Variants in FNBP1L observed in about 807,000 individuals in gnomAD.
FNBP1L encodes formin binding protein 1 like.
FNBP1L carries 36 observed loss-of-function variants against 91.2 expected under a neutral mutation model. That is an observed-to-expected ratio of 0.39 (90% CI 0.30 to 0.52). The LOEUF (loss-of-function observed/expected upper bound fraction) is 0.52, where lower values mean the gene tolerates loss of function less well. FNBP1L is among the 20% of genes least tolerant of loss of function. FNBP1L has a pLI of 0.66. For synonymous variants in FNBP1L, 242 were observed against 237.0 expected, an observed-to-expected ratio of 1.02 and a Z score of -0.19; for missense variants, 571 against 732.1, an observed-to-expected ratio of 0.78 and a Z score of 2.54.
At chr1:93,479,140 G>T (rs1669602630) in intron 1 of FNBP1L, among the ~76,000 whole-genome samples, 1 of 152,140 alleles carries the variant, frequency 6.6e-6, no homozygotes, top group Admixed American at 6.5e-5. Context: ...GGGCCGCTGG[G>T]GGTGACATCA....
intron 1 of FNBP1L, among the ~76,000 whole-genome samples, chr1:93,472,811 C>CA (rs57548632): frequency 2.1e-5 from 1 of 46,860 alleles, no homozygotes; most frequent in African/African-American, 9.2e-5. Flanking sequence ...GACTCCATCT[C>CA]AAAAAAAAAA....
chr1:93,495,965 G>A (rs1457083837), intron 1 of FNBP1L, among the ~76,000 whole-genome samples: 1 of 152,152 alleles, frequency 6.6e-6, no homozygotes, highest in African/African-American at 2.4e-5. Context: ...ATATATACAT[G>A]TATAGAGAAA....
In FNBP1L at chr1:93,472,312, G is replaced by A. The variant is rs554451937; in HGVS notation, c.24+24007G>A. Among the ~76,000 whole-genome samples the A allele has an allele frequency of 2.1e-3, 313 of 152,088 alleles. 1 individual carries two copies. The South Asian group carries it at 0.021, about 10-fold the overall frequency. On this transcript the variant is annotated intron_variant, in intron 1 of 16. Transcript: ENST00000271234. The stretch of plus-strand genomic sequence containing the variant: ...TACTACTACTAATCTAATGATTTTT[G>A]AATACTTAAGCAGTGCATTTCACAT...
intron 1 of FNBP1L, among the ~76,000 whole-genome samples, chr1:93,491,654 G>T (rs1243415084): frequency 6.6e-6 from 1 of 152,168 alleles, no homozygotes; most frequent in African/African-American, 2.4e-5. Flanking sequence ...AAAAAGAAGA[G>T]AATTTGTTTC....
chr1:93,478,714 GA>G (rs781661508), intron 1 of FNBP1L, among the ~76,000 whole-genome samples: 5 of 152,156 alleles, frequency 3.3e-5, no homozygotes, highest in Non-Finnish European at 7.3e-5. Flanking sequence ...ATATATTAAG[GA>G]TAAAGGGAGC....
intron 3 of FNBP1L, among the ~76,000 whole-genome samples, chr1:93,522,961 G>A (rs1336124619): frequency 1.3e-5 from 2 of 152,098 alleles, no homozygotes; most frequent in Non-Finnish European, 2.9e-5. Flanking sequence ...CCATCGAGAT[G>A]CATTTGGCAA....
chr1:93,452,561 G>A lies in FNBP1L; in HGVS notation c.24+4256G>A, dbSNP rs1214657196. ...GATTTATCTGTAACAAAGGAATTGGGTCTCATAGTCTACTGGTTAGACCAT... is the reference window on the plus strand; with the variant it reads ...GATTTATCTGTAACAAAGGAATTGGATCTCATAGTCTACTGGTTAGACCAT... On this transcript the variant is annotated intron_variant, in intron 1 of 16. Coordinates refer to ENST00000271234, the MANE Select transcript of FNBP1L (RefSeq NM_001164473.3). 2.6e-5 allele frequency among the ~76,000 whole-genome samples: 4 copies of A among 152,122 alleles called. No homozygotes were observed. In the East Asian group the frequency reaches 7.7e-4, roughly 29 times the overall value.
intron 1 of FNBP1L, among the ~76,000 whole-genome samples, chr1:93,492,322 T>C (rs1670120195): frequency 1.3e-5 from 2 of 151,992 alleles, no homozygotes; most frequent in African/African-American, 4.8e-5. Flanking sequence ...ACCATATTAG[T>C]AGGGTAGGTA....
At chr1:93,494,391 G>A (rs754567515) in intron 1 of FNBP1L, among the ~76,000 whole-genome samples, 1 of 152,100 alleles carries the variant, frequency 6.6e-6, no homozygotes, top group East Asian at 1.9e-4. Context: ...TTTTTATGGG[G>A]GCTCCATTAC....
intron 1 of FNBP1L, among the ~76,000 whole-genome samples, chr1:93,467,707 T>C (rs1439575649): frequency 6.6e-6 from 1 of 152,056 alleles, no homozygotes; most frequent in Non-Finnish European, 1.5e-5. Flanking sequence ...GCCCGGAGTT[T>C]GAGGCTGTAG....
chr1:93,482,690 C>G (rs1161274788), intron 1 of FNBP1L, among the ~76,000 whole-genome samples: 2 of 151,722 alleles, frequency 1.3e-5, no homozygotes, highest in Non-Finnish European at 2.9e-5. Context: ...CCCAGGAGTT[C>G]AAGACTAGCC....
intron 2 of FNBP1L, among the ~76,000 whole-genome samples, chr1:93,511,203 G>A (rs980665365): frequency 1.3e-4 from 20 of 152,236 alleles, no homozygotes; most frequent in Non-Finnish European, 2.2e-4. Flanking sequence ...GGCAGCCAGA[G>A]AGAAAGGTCG....
chr1:93,471,712 A>G (rs1350021320), intron 1 of FNBP1L, among the ~76,000 whole-genome samples: 1 of 152,208 alleles, frequency 6.6e-6, no homozygotes, highest in Non-Finnish European at 1.5e-5. Flanking sequence ...AAGCAAAACC[A>G]AAAACCTAAT....
At chr1:93,512,386 AC>A (rs918425175) in intron 2 of FNBP1L, among the ~76,000 whole-genome samples, 3 of 151,582 alleles carry the variant, frequency 2.0e-5, no homozygotes, top group Non-Finnish European at 3.0e-5. Context: ...CAACAAGGAT[AC>A]CCAGGAATTG....
chr1:93,458,758 A>G (rs1441058195), intron 1 of FNBP1L, among the ~76,000 whole-genome samples: 1 of 152,248 alleles, frequency 6.6e-6, no homozygotes, highest in Non-Finnish European at 1.5e-5. Context: ...TGGTCTGAAA[A>G]TATTAAATGG....
At chr1:93,449,722 G>A (rs74477733) in intron 1 of FNBP1L, among the ~76,000 whole-genome samples, 602 of 152,200 alleles carry the variant, frequency 4.0e-3, no homozygotes, top group Non-Finnish European at 6.6e-3. Context: ...AGCATTAATT[G>A]TTCTTATATT....
chr1:93,536,343 A>G lies in FNBP1L; in HGVS notation c.1002A>G (p.Pro334=), dbSNP rs761838495. 32 of 1,516,584 alleles carry G rather than the reference A, an allele frequency of 2.1e-5. No homozygotes were observed. Among genetic ancestry groups the G allele is most frequent in the African/African-American group, 2.8e-5 (2 of 71,688 alleles). 93.9% of individuals were successfully genotyped at this position (1,516,584 alleles called of 1,614,324 possible). The change falls in exon 10 of 17, where the codon CCA becomes CCG. Residue 334 remains proline (P), a synonymous_variant. Transcript: ENST00000271234. ...LFGKKPKPQS[P]PLTPTSLFTS... ...TATTTCCATATTAGCCACAGTCCCCACCCTTAACCCCTACTAGTTTATTCA... is the reference window on the plus strand; with the variant it reads ...TATTTCCATATTAGCCACAGTCCCCGCCCTTAACCCCTACTAGTTTATTCA...
At chr1:93,468,757 A>G (rs574281816) in intron 1 of FNBP1L, among the ~76,000 whole-genome samples, 1 of 151,834 alleles carries the variant, frequency 6.6e-6, no homozygotes, top group Non-Finnish European at 1.5e-5. Context: ...GTGTGTATAT[A>G]TTTTTCTTTC....
intron 11 of FNBP1L, among the ~76,000 whole-genome samples, chr1:93,542,182 G>A (rs1406275463): frequency 1.3e-5 from 2 of 152,018 alleles, no homozygotes; most frequent in Middle Eastern, 3.4e-3. Flanking sequence ...AGGCTAAGGC[G>A]GGAGGATTGG....
Sources: allele counts gnomAD v4.1 joint callset (sites outside exome capture counted in the v4.1 genomes callset), GRCh38; gene constraint gnomAD v4.1.1; transcripts MANE v1.5; gene names NCBI Gene and HGNC (gene_info 2026-07-23, HGNC 2026-07-21).